LONP2: variants seen among roughly 807,000 people sequenced by gnomAD.
LONP2 encodes lon peptidase 2, peroxisomal.
LONP2 carries 60 observed loss-of-function variants against 85.6 expected under a neutral mutation model. The ratio of observed to expected loss-of-function variants is 0.70; its 90% CI spans 0.57 to 0.87. The LOEUF is 0.87. LONP2 is among the 40% of genes least tolerant of loss of function. LONP2 has a pLI of 0.00. For missense variants in LONP2, 860 were observed against 1,063.5 expected, an observed-to-expected ratio of 0.81 and a Z score of 2.66; for synonymous variants, 395 against 389.7, an observed-to-expected ratio of 1.01 and a Z score of -0.16.
intron 1 of LONP2, among the ~76,000 whole-genome samples, chr16:48,245,685 T>G (rs186664787): frequency 1.3e-5 from 2 of 152,328 alleles, no homozygotes; most frequent in South Asian, 2.1e-4. Flanking sequence ...AAAAACTTTT[T>G]GATTAATACA....
chr16:48,330,651 A>G (rs1313369909), intron 11 of LONP2, among the ~76,000 whole-genome samples: 2 of 152,126 alleles, frequency 1.3e-5, no homozygotes, highest in African/African-American at 4.8e-5. Flanking sequence ...GTGTTTCCCT[A>G]CTCACACTTT....
chr16:48,324,338 G>A (rs560956022), intron 11 of LONP2, among the ~76,000 whole-genome samples: 13 of 152,192 alleles, frequency 8.5e-5, no homozygotes, highest in South Asian at 2.1e-4. Flanking sequence ...GTCTGAAATC[G>A]TGTGTCAAAC....
chr16:48,311,271 C>T (rs533621893), intron 11 of LONP2, among the ~76,000 whole-genome samples: 2 of 152,078 alleles, frequency 1.3e-5, no homozygotes, highest in South Asian at 4.1e-4. Context: ...TTTTCTTCTC[C>T]TCTAGGAATA....
Position 48,244,531 on chromosome 16 carries a change from A to G in LONP2, c.143A>G (p.Lys48Arg), listed in dbSNP as rs997919083. 3 of 1,576,658 alleles carry G rather than the reference A, an allele frequency of 1.9e-6. No homozygotes were observed. Among genetic ancestry groups the G allele is most frequent in the Non-Finnish European group, 2.6e-6 (3 of 1,165,386 alleles). ...CAGCTGGTGCGGAGCCGCCTTCTGA[A>G]GGGCACGTCGCTGCAAAGCACCATC... Reference protein sequence around the residue: ...NLQLVRSRLLKGTSLQSTILG... With the variant: ...NLQLVRSRLLRGTSLQSTILG... The change falls in exon 1 of 15, where the codon AAG (lysine) becomes AGG (arginine). Residue 48 changes from lysine (K) to arginine (R), a missense_variant. Lys to Arg is a conservative substitution (Grantham distance 26). Transcript: ENST00000285737.
intron 12 of LONP2, among the ~76,000 whole-genome samples, chr16:48,341,678 A>C (rs1160144982): frequency 6.6e-6 from 1 of 152,222 alleles, no homozygotes; most frequent in African/African-American, 2.4e-5. Context: ...TAGATTTCAG[A>C]TTTAGGAACA....
At chr16:48,278,299 C>T (rs1175196594) in intron 8 of LONP2, among the ~76,000 whole-genome samples, 1 of 152,142 alleles carries the variant, frequency 6.6e-6, no homozygotes, top group Non-Finnish European at 1.5e-5. Flanking sequence ...AGCGTCCGGT[C>T]TGAACTGGTT....
rs1308879623 is a variant in LONP2, at chr16:48,257,105, A to C, written c.600+364A>C. Among the ~76,000 whole-genome samples, 4 of 152,274 alleles carry C rather than the reference A, an allele frequency of 2.6e-5. No homozygotes were observed. The East Asian group carries it at 7.7e-4, about 29-fold the overall frequency. Reference sequence around the variant, plus strand: ...GATGGGTGGATCGCTTGAGATCAGGAGTTCGAGACCAGCCTGGCCAACATG... The same window carrying C: ...GATGGGTGGATCGCTTGAGATCAGGCGTTCGAGACCAGCCTGGCCAACATG... On this transcript the variant is annotated intron_variant, in intron 3 of 14. Coordinates refer to ENST00000285737, the MANE Select transcript of LONP2 (RefSeq NM_031490.5).
intron 12 of LONP2, among the ~76,000 whole-genome samples, chr16:48,338,412 G>C (rs778061990): frequency 7.2e-5 from 11 of 152,204 alleles, no homozygotes; most frequent in Non-Finnish European, 1.0e-4. Flanking sequence ...TCTGAGGTCT[G>C]TTTTAGAGGT....
intron 11 of LONP2, among the ~76,000 whole-genome samples, chr16:48,309,682 G>C (rs1056651794): frequency 6.6e-6 from 1 of 151,972 alleles, no homozygotes; most frequent in Admixed American, 6.5e-5. Context: ...TTGATTTTTA[G>C]TTTTATTCCA....
intron 11 of LONP2, among the ~76,000 whole-genome samples, chr16:48,305,889 C>T (rs542773537): frequency 6.6e-6 from 1 of 152,146 alleles, no homozygotes; most frequent in South Asian, 2.1e-4. Flanking sequence ...CATTTTAATA[C>T]TATTCAGACA....
chr16:48,340,158 G>A (rs571275510), intron 12 of LONP2, among the ~76,000 whole-genome samples: 1 of 152,148 alleles, frequency 6.6e-6, no homozygotes, highest in Non-Finnish European at 1.5e-5. Flanking sequence ...CATAAGCAGG[G>A]GCTCAGAAGG....
intron 11 of LONP2, among the ~76,000 whole-genome samples, chr16:48,317,852 C>G (rs2039618421): frequency 6.6e-6 from 1 of 152,204 alleles, no homozygotes; most frequent in South Asian, 2.1e-4. Context: ...GGCTAGACCA[C>G]AAGTCTGTCT....
intron 6 of LONP2, among the ~76,000 whole-genome samples, chr16:48,266,165 G>A (rs1036428951): frequency 3.3e-5 from 5 of 151,792 alleles, no homozygotes; most frequent in African/African-American, 4.8e-5. Flanking sequence ...CATGACACCC[G>A]GCTAATTTTT....
At chr16:48,273,968 A>G (rs1223861054) in intron 7 of LONP2, among the ~76,000 whole-genome samples, 3 of 152,210 alleles carry the variant, frequency 2.0e-5, no homozygotes, top group Non-Finnish European at 4.4e-5. Context: ...CTGAAATGGT[A>G]AAGTTATAAA....
At chr16:48,275,165 G>A (rs550815897) in intron 7 of LONP2, among the ~76,000 whole-genome samples, 1 of 152,070 alleles carries the variant, frequency 6.6e-6, no homozygotes, top group African/African-American at 2.4e-5. Flanking sequence ...GCCAGGGACC[G>A]TGCTGTGTGC....
At chr16:48,256,545 CT>C in intron 2 of LONP2, 64 bp from the exon 3 acceptor site, 1 of 1,546,814 alleles carries the variant, frequency 6.5e-7, no homozygotes, top group East Asian at 2.3e-5. Context: ...AGATGGAAAT[CT>C]GATTTTTAAA....
intron 4 of LONP2, among the ~76,000 whole-genome samples, chr16:48,259,818 A>G (rs1332078708): frequency 6.6e-6 from 1 of 152,206 alleles, no homozygotes; most frequent in Non-Finnish European, 1.5e-5. Flanking sequence ...CAGGGACTCA[A>G]TTACTCATTT....
At chr16:48,300,811 A>G (rs1339625968) in intron 10 of LONP2, among the ~76,000 whole-genome samples, 1 of 152,222 alleles carries the variant, frequency 6.6e-6, no homozygotes, top group Non-Finnish European at 1.5e-5. Context: ...ATTATTCCAG[A>G]TAACACCCAT....
intron 10 of LONP2, among the ~76,000 whole-genome samples, chr16:48,300,172 A>G (rs574935428): frequency 3.8e-4 from 58 of 152,362 alleles, no homozygotes; most frequent in African/African-American, 1.1e-3. Flanking sequence ...CAGGATCTTG[A>G]AAGTTGTTGA....
Sources: gnomAD v4.1 joint callset for allele counts (sites outside exome capture counted in the v4.1 genomes callset) on GRCh38, gnomAD v4.1.1 for gene constraint, MANE v1.5 for transcripts, NCBI Gene and HGNC (gene_info 2026-07-23, HGNC 2026-07-21) for gene names.